SLC35E2B: variants seen among roughly 807,000 people sequenced by gnomAD.
SLC35E2B encodes the protein solute carrier family 35, member E2B.
In SLC35E2B, 18 loss-of-function variants were observed where a neutral mutation model predicts 32.4. That is an observed-to-expected ratio of 0.56 (90% CI 0.38 to 0.82). The LOEUF is 0.82. Among genes scored for constraint, SLC35E2B ranks in the 40% least tolerant of loss-of-function variants. SLC35E2B has a pLI of 0.00. For missense variants in SLC35E2B, 263 were observed against 469.5 expected (o/e 0.56, Z 4.06); for synonymous variants, 132 against 209.1 (o/e 0.63, Z 3.18).
At chr1:1,678,845 G>T (rs1192411643) in intron 2 of SLC35E2B, among the ~76,000 whole-genome samples, 1 of 152,206 alleles carries the variant, frequency 6.6e-6, no homozygotes, top group African/African-American at 2.4e-5. Flanking sequence ...CAGGGAGCTA[G>T]GAGACTTTGT....
chr1:1,673,577 G>A (rs1268205214), intron 5 of SLC35E2B, among the ~76,000 whole-genome samples: 2 of 152,134 alleles, frequency 1.3e-5, no homozygotes, highest in Non-Finnish European at 2.9e-5. Flanking sequence ...GGCCGAAGCA[G>A]GAGAATCACT....
chr1:1,675,585 G>A lies in SLC35E2B; in HGVS notation c.464C>T (p.Ala155Val). ...GCTGACCAAACCCAAAACCACAGTT[G>A]CAAACCTAAAAATGAGCCAAAAGCA... ...TMLFVGLMRF[A>V]TVVLGLVSLK... The change falls in exon 5 of 10, where the codon GCA (alanine) becomes GTA (valine). Residue 155 changes from alanine to valine, a missense_variant. Around this residue, in one of 7 missense-constraint regions of SLC35E2B, gnomAD observed 129 missense variants for 164.5 expected, o/e 0.78. Transcript: ENST00000617444. 1 of 1,560,010 alleles carries A rather than the reference G, an allele frequency of 6.4e-7. No individual in the cohort carries two copies. Among genetic ancestry groups the A allele is most frequent in the Middle Eastern group, 1.8e-4 (1 of 5,576 alleles).
At position 1,664,954 on chromosome 1, in the gene SLC35E2B, C is replaced by A. The variant is rs1351029617; in HGVS notation, c.*828G>T. 1 of 963,534 alleles carries A rather than the reference C, an allele frequency of 1.0e-6. No individual in the cohort carries two copies. The highest frequency in any genetic ancestry group is 1.2e-6 in the Non-Finnish European group (1 of 810,878). 59.7% of individuals were successfully genotyped at this position (963,534 alleles called of 1,614,324 possible). A position where few individuals can be genotyped will look rare whatever the true frequency, so the allele number is the denominator to read the frequency against. On this transcript the variant is annotated 3_prime_UTR_variant, in exon 10 of 10. Coordinates refer to ENST00000617444, the MANE Select transcript of SLC35E2B (RefSeq NM_001290264.2). Reference sequence around the variant, plus strand: ...CTCAGAGTCCAAAAAAGAAAAGGAACGTACACATCTCCTCCCAAGTTAAAC... The same window carrying A: ...CTCAGAGTCCAAAAAAGAAAAGGAAAGTACACATCTCCTCCCAAGTTAAAC...
chr1:1,675,652 C>T, intron 4 of SLC35E2B, 62 bp from the exon 5 acceptor site: 2 of 1,418,766 alleles, frequency 1.4e-6, no homozygotes, highest in Non-Finnish European at 9.4e-7. Flanking sequence ...ACCCACCGGG[C>T]AGGCTCTCCA....
At chr1:1,670,474 T>G (rs1040732493) in intron 6 of SLC35E2B, 16 of 216,470 alleles carry the variant, frequency 7.4e-5, no homozygotes, top group African/African-American at 3.2e-4. Flanking sequence ...CAGGCTGGAG[T>G]GCAGTGGCGC....
chr1:1,684,118 C>T (rs1404499978), intron 2 of SLC35E2B, among the ~76,000 whole-genome samples: 2 of 152,148 alleles, frequency 1.3e-5, no homozygotes, highest in Non-Finnish European at 2.9e-5. Flanking sequence ...ACTCAGCAGT[C>T]GTGAGACGCT....
Position 1,662,111 on chromosome 1 carries a change from T to TC in SLC35E2B, c.*3670dup. 1 of 937,736 alleles carries TC rather than the reference T, an allele frequency of 1.1e-6. No individual in the cohort carries two copies. 58.1% of individuals were successfully genotyped at this position (937,736 alleles called of 1,614,324 possible). A position where few individuals can be genotyped will look rare whatever the true frequency, so the allele number is the denominator to read the frequency against. On this transcript the variant is annotated 3_prime_UTR_variant, in exon 10 of 10. Coordinates refer to ENST00000617444, the MANE Select transcript of SLC35E2B (RefSeq NM_001290264.2). ...CTGAAGGTTTCTGTGCTCTGAGGGA[T>TC]CCGAGAGTGGATGTCCCACTCCTGT...
chr1:1,684,827 C>T (rs551482595), intron 2 of SLC35E2B, among the ~76,000 whole-genome samples: 28 of 143,960 alleles, frequency 1.9e-4, no homozygotes, highest in African/African-American at 6.5e-4. Flanking sequence ...GGACAGCCAG[C>T]GGGTGCAGTG....
At chr1:1,686,543 G>C (rs1436186770) in intron 2 of SLC35E2B, among the ~76,000 whole-genome samples, 1 of 151,934 alleles carries the variant, frequency 6.6e-6, no homozygotes, top group Non-Finnish European at 1.5e-5. Flanking sequence ...CAGCACTTTG[G>C]GAGGCCGAGG....
At chr1:1,666,159 C>A in intron 9 of SLC35E2B, 140 bp from the exon 10 acceptor site, 1 of 1,065,252 alleles carries the variant, frequency 9.4e-7, no homozygotes, top group Non-Finnish European at 1.3e-6. Flanking sequence ...GCCCTGCGGC[C>A]AGCAGCTCGG....
At chr1:1,682,311 G>A (rs923289592) in intron 2 of SLC35E2B, among the ~76,000 whole-genome samples, 2 of 152,162 alleles carry the variant, frequency 1.3e-5, no homozygotes, top group African/African-American at 4.8e-5. Context: ...AAGTCTTGGA[G>A]GTGGGTGTTT....
In SLC35E2B at chr1:1,668,494, A is replaced by C. The variant is rs754999004; in HGVS notation, c.835-22T>G. The C allele has an allele frequency of 3.7e-6, 6 of 1,613,728 alleles. No individual in the cohort carries two copies. In the African/African-American group the frequency reaches 6.7e-5, roughly 18 times the overall value. On this transcript the variant is annotated intron_variant, in intron 8 of 9. Transcript: ENST00000617444. ...CGTCCTATGTGGCAAACAAAAGGGT[A>C]CTCTATCGGTTTCCATTTTCCATTT... is the stretch of plus-strand genomic sequence containing the variant.
intron 2 of SLC35E2B, among the ~76,000 whole-genome samples, chr1:1,687,166 T>C (rs1197449124): frequency 6.6e-6 from 1 of 152,138 alleles, no homozygotes. Context: ...CTTGAACGGA[T>C]GGGCGGACGG....
intron 2 of SLC35E2B, among the ~76,000 whole-genome samples, chr1:1,689,634 T>TA (rs988985463): frequency 2.6e-5 from 4 of 151,112 alleles, no homozygotes; most frequent in East Asian, 1.9e-4. Context: ...CATGACCCAT[T>TA]AAAAAAAGGG....
Position 1,692,502 on chromosome 1 carries a change from C to A in SLC35E2B, c.-619G>T, listed in dbSNP as rs1425615603. 22 of 985,350 alleles carry A rather than the reference C, an allele frequency of 2.2e-5. No individual in the cohort carries two copies. Among genetic ancestry groups the A allele is most frequent in the Non-Finnish European group, 2.5e-5 (21 of 830,016 alleles). 61.0% of individuals were successfully genotyped at this position (985,350 alleles called of 1,614,324 possible). On this transcript the variant is annotated 5_prime_UTR_variant, in exon 1 of 10. Transcript: ENST00000617444. ...GCATAGCGCTAGGCCCCGGCGCCTT[C>A]ACAACAAAGGGACGCTGGCGGGCGG...
rs188187201 is a variant in SLC35E2B, at chr1:1,683,980, A to G, written c.-148+6996T>C. On this transcript the variant is annotated intron_variant, in intron 2 of 9. Transcript: ENST00000617444. ...CCACAAAGTTGTAAGTCAAACCTTCATGTTTGGCCAGCGGCGGTGGCCCAC... is the reference window on the plus strand; with the variant it reads ...CCACAAAGTTGTAAGTCAAACCTTCGTGTTTGGCCAGCGGCGGTGGCCCAC... Among the ~76,000 whole-genome samples the G allele has an allele frequency of 6.7e-3, 1,026 of 152,262 alleles. 9 individuals carry two copies. Among genetic ancestry groups the G allele is most frequent in the South Asian group, 0.013 (65 of 4,822 alleles).
At chr1:1,669,487 GA>G (rs1386575572) in intron 8 of SLC35E2B, among the ~76,000 whole-genome samples, 176 bp downstream of exon 8, 7 of 152,084 alleles carry the variant, frequency 4.6e-5, no homozygotes, top group Non-Finnish European at 2.9e-5. Flanking sequence ...TCTTCACACA[GA>G]AATCTGAGCT....
At chr1:1,669,927 G>A (rs1156827940) in intron 7 of SLC35E2B, 171 bp downstream of exon 7, 6 of 842,660 alleles carry the variant, frequency 7.1e-6, no homozygotes, top group Admixed American at 2.2e-5. Context: ...GGGCTCAAGG[G>A]AGTAGCTGAG....
At chr1:1,670,364 C>CT (rs1261023809) in intron 6 of SLC35E2B, 1 of 488,568 alleles carries the variant, frequency 2.0e-6, no homozygotes, top group Non-Finnish European at 3.7e-6. Context: ...TCAAGTGATC[C>CT]ACCCGCCTCA....
Sources: allele counts gnomAD v4.1 joint callset (sites outside exome capture counted in the v4.1 genomes callset), GRCh38; gene constraint gnomAD v4.1.1; regional missense constraint gnomAD v4.1.1; transcripts MANE v1.5; gene names NCBI Gene and HGNC (gene_info 2026-07-23, HGNC 2026-07-21).